RGPD4: variants seen among roughly 807,000 people sequenced by gnomAD.
The protein encoded by RGPD4 is RANBP2 like and GRIP domain containing 4.
In RGPD4, 84 loss-of-function variants were observed where a neutral mutation model predicts 141.1. The ratio of observed to expected loss-of-function variants is 0.60; its 90% CI spans 0.50 to 0.71. The LOEUF (loss-of-function observed/expected upper bound fraction) is 0.71. Among genes scored for constraint, RGPD4 ranks in the 30% least tolerant of loss-of-function variants. The pLI, the probability that RGPD4 is intolerant of heterozygous loss-of-function variation, is 0.00. For synonymous variants in RGPD4, 298 were observed against 566.8 expected (o/e 0.53, Z 6.74); for missense variants, 918 against 1,622.4 (o/e 0.57, Z 7.46).
In RGPD4 at chr2:107,872,871, G is replaced by A. The variant is rs1238898888; in HGVS notation, c.4867G>A (p.Ala1623Thr). Residue 1623 changes from alanine (A) to threonine (T), a missense_variant, in exon 20 of 23, where the codon GCT becomes ACT. Physicochemically the swap from Ala to Thr is moderately conservative, Grantham distance 58 (BLOSUM62 0). Transcript: ENST00000408999. ...SSDSKVKNLS[A>T]SFPMEESSIN... ...AGATAGCAAAGTCAAAAATCTCTCT[G>A]CTTCCTTTCCAATGGAAGAATCTTC... The A allele has an allele frequency of 6.3e-7, 1 of 1,593,760 alleles. No individual in the cohort carries two copies. Among genetic ancestry groups the A allele is most frequent in the African/African-American group, 1.5e-5 (1 of 68,732 alleles).
chr2:107,855,928 C>T (rs1489178490), intron 8 of RGPD4, among the ~76,000 whole-genome samples: 13 of 56,686 alleles, frequency 2.3e-4, no homozygotes, highest in South Asian at 7.8e-4. Flanking sequence ...TTTCATTTAG[C>T]AAGGTTTTCA....
At chr2:107,886,347 C>A (rs1675512455) in intron 22 of RGPD4, among the ~76,000 whole-genome samples, 1 of 97,350 alleles carries the variant, frequency 1.0e-5, no homozygotes, top group Admixed American at 9.8e-5. Context: ...AGTAAAACTG[C>A]CCCTAAAAAA....
At position 107,871,195 on chromosome 2, in the gene RGPD4, G is replaced by C; in HGVS notation, c.3191G>C (p.Gly1064Ala). The C allele has an allele frequency of 6.2e-7, 1 of 1,609,900 alleles. No homozygotes were observed. The highest frequency in any genetic ancestry group is 1.4e-5 in the African/African-American group (1 of 73,614). Reference protein sequence around the residue: ...EEGEKVLYSQGVKLFRFDAEV... With the variant: ...EEGEKVLYSQAVKLFRFDAEV... ...GGTGAAAAAGTTCTGTATTCACAGG[G>C]GGTAAAACTATTTAGATTTGATGCT... The change falls in exon 20 of 23, where the codon GGG becomes GCG. Residue 1064 changes from glycine (G) to alanine (A), a missense_variant. Coordinates refer to ENST00000408999, the MANE Select transcript of RGPD4 (RefSeq NM_182588.3).
chr2:107,833,078 T>A (rs1215107631), intron 1 of RGPD4, among the ~76,000 whole-genome samples: 2 of 150,206 alleles, frequency 1.3e-5, no homozygotes, highest in East Asian at 3.9e-4. Flanking sequence ...TTCCTCATTG[T>A]CCTGTATAAT....
chr2:107,832,633 G>C (rs1250905006), intron 1 of RGPD4, among the ~76,000 whole-genome samples: 9 of 126,356 alleles, frequency 7.1e-5, no homozygotes, highest in African/African-American at 2.9e-4. Flanking sequence ...GTAGAGATGG[G>C]ATTTCACCAT....
intron 1 of RGPD4, among the ~76,000 whole-genome samples, chr2:107,834,278 C>A (rs2912733): frequency 2.7e-5 from 4 of 149,408 alleles, no homozygotes; most frequent in Admixed American, 6.7e-5. Flanking sequence ...TCTTAATTTC[C>A]TTTTCTGATT....
rs571814657 is a variant in RGPD4 at position 107,846,252 on chromosome 2, T to C, written c.783-2089T>C. Among the ~76,000 whole-genome samples the C allele has an allele frequency of 1.1e-3, 169 of 150,842 alleles. 1 individual carries two copies. The highest frequency in any genetic ancestry group is 3.6e-3 in the African/African-American group (147 of 40,800). Reference sequence around the variant, plus strand: ...GTCTCGATCTCTTGACCTCTTGATCTGTCTACCTTGGCCTCCCAAAGTACT... The same window carrying C: ...GTCTCGATCTCTTGACCTCTTGATCCGTCTACCTTGGCCTCCCAAAGTACT... On this transcript the variant is annotated intron_variant, in intron 6 of 22. Coordinates refer to ENST00000408999, the MANE Select transcript of RGPD4 (RefSeq NM_182588.3).
intron 1 of RGPD4, among the ~76,000 whole-genome samples, chr2:107,829,914 C>A (rs1047074050): frequency 6.6e-6 from 1 of 151,880 alleles, no homozygotes; most frequent in African/African-American, 2.4e-5. Context: ...CGGCGGAGGT[C>A]GTACCTCCTT....
intron 20 of RGPD4, among the ~76,000 whole-genome samples, chr2:107,874,479 A>T (rs1573525406): frequency 1.1e-5 from 1 of 93,090 alleles, no homozygotes; most frequent in East Asian, 2.2e-4. Context: ...AACAAGTACA[A>T]TGATAAAGTA....
intron 6 of RGPD4, among the ~76,000 whole-genome samples, chr2:107,844,319 T>G (rs1407889224): frequency 6.6e-6 from 1 of 151,874 alleles, no homozygotes; most frequent in African/African-American, 2.4e-5. Flanking sequence ...GGTTGTTGAT[T>G]AGAACTTGTG....
chr2:107,870,769 G>T lies in RGPD4; in HGVS notation c.2765G>T (p.Gly922Val), dbSNP rs774971421. The change falls in exon 20 of 23, where the codon GGA becomes GTA. Residue 922 changes from glycine to valine, a missense_variant. Gly to Val is a moderately radical substitution (Grantham distance 109). Transcript: ENST00000408999. ...EGFSIPVSAD[G>V]FKFGISEPGN... ...TTTTCCATCCCTGTGTCTGCTGATGGATTTAAATTTGGCATTTCGGAACCA... is the reference window on the plus strand; with the variant it reads ...TTTTCCATCCCTGTGTCTGCTGATGTATTTAAATTTGGCATTTCGGAACCA... 2 of 1,610,184 alleles carry T rather than the reference G, an allele frequency of 1.2e-6. No homozygotes were observed. The highest frequency in any genetic ancestry group is 2.2e-5 in the South Asian group (2 of 90,806).
chr2:107,874,812 T>A (rs1280484143), intron 20 of RGPD4, among the ~76,000 whole-genome samples: 1 of 151,394 alleles, frequency 6.6e-6, no homozygotes, highest in Admixed American at 6.6e-5. Context: ...ACCCAAGGGG[T>A]CTTTACTGAG....
In RGPD4 at chr2:107,872,841, T is replaced by A; in HGVS notation, c.4837T>A (p.Ser1613Thr). ...ELSKNSDIEQSSDSKVKNLSA... is the reference protein window; with the variant it reads ...ELSKNSDIEQTSDSKVKNLSA... Reference sequence around the variant, plus strand: ...GTCAAAGAACTCTGATATCGAACAGTCTTCAGATAGCAAAGTCAAAAATCT... The same window carrying A: ...GTCAAAGAACTCTGATATCGAACAGACTTCAGATAGCAAAGTCAAAAATCT... Residue 1613 changes from serine to threonine, a missense_variant, in exon 20 of 23, where the codon TCT (serine) becomes ACT (threonine). Physicochemically the swap from Ser to Thr is moderately conservative, Grantham distance 58. Transcript: ENST00000408999. 6.2e-7 allele frequency: 1 copy of A among 1,604,348 alleles called. No homozygotes were observed. The highest frequency in any genetic ancestry group is 8.5e-7 in the Non-Finnish European group (1 of 1,177,106).
intron 7 of RGPD4, among the ~76,000 whole-genome samples, chr2:107,854,144 T>G (rs1192625520): frequency 2.4e-5 from 3 of 126,818 alleles, no homozygotes; most frequent in Non-Finnish European, 4.8e-5. Context: ...AACCTCTGCC[T>G]CCCAGGTTCA....
At position 107,846,354 on chromosome 2, in the gene RGPD4, C is replaced by A. The variant is rs1404354219; in HGVS notation, c.783-1987C>A. On this transcript the variant is annotated intron_variant, in intron 6 of 22. Coordinates refer to ENST00000408999, the MANE Select transcript of RGPD4 (RefSeq NM_182588.3). ...GTGCTGGGATTGCAGGTCTGAGCCA[C>A]TGCACCCGGCCGTATGTGGGTTATT... 3.3e-5 allele frequency among the ~76,000 whole-genome samples: 5 copies of A among 151,902 alleles called. No homozygotes were observed. In the South Asian group the frequency reaches 1.0e-3, roughly 32 times the overall value.
chr2:107,883,283 C>G (rs1310760085), intron 22 of RGPD4: 3 of 400,158 alleles, frequency 7.5e-6, no homozygotes, highest in African/African-American at 2.1e-5. Context: ...AGTCATATAG[C>G]CCAACACTTG....
chr2:107,880,578 C>A (rs888099891), intron 21 of RGPD4, among the ~76,000 whole-genome samples: 1 of 151,532 alleles, frequency 6.6e-6, no homozygotes, highest in African/African-American at 2.4e-5. Flanking sequence ...ACTTCTTTTA[C>A]ACCTATTACA....
intron 8 of RGPD4, among the ~76,000 whole-genome samples, chr2:107,856,129 C>G (rs2083404): frequency 9.1e-6 from 1 of 109,728 alleles, no homozygotes; most frequent in Non-Finnish European, 1.8e-5. Context: ...TCTCGGCTCA[C>G]TGCAAGCTCC....
intron 7 of RGPD4, among the ~76,000 whole-genome samples, chr2:107,849,365 T>A (rs1484340496): frequency 2.2e-3 from 37 of 16,978 alleles, no homozygotes; most frequent in African/African-American, 7.2e-3. Flanking sequence ...GCCTGGCCTT[T>A]TTTTTTTTTT....
Sources: gnomAD v4.1 joint callset for allele counts (sites outside exome capture counted in the v4.1 genomes callset) on GRCh38, gnomAD v4.1.1 for gene constraint, MANE v1.5 for transcripts, NCBI Gene and HGNC (gene_info 2026-07-23, HGNC 2026-07-21) for gene names.